The following CCNH variants were observed in gnomAD, a reference collection of about 807,000 sequenced individuals.
The protein encoded by CCNH is cyclin-H.
CCNH carries 31 observed loss-of-function variants against 41.9 expected under a neutral mutation model. That is an observed-to-expected ratio of 0.74 (90% CI 0.56 to 1.00). The LOEUF (loss-of-function observed/expected upper bound fraction) is 1.00. Among genes scored for constraint, CCNH ranks in the 50% least tolerant of loss-of-function variants. The pLI, the probability that CCNH is intolerant of heterozygous loss-of-function variation, is 0.00. For missense variants in CCNH, 362 were observed against 388.4 expected, an observed-to-expected ratio of 0.93 and a Z score of 0.57; for synonymous variants, 138 against 136.1, an observed-to-expected ratio of 1.01 and a Z score of -0.10.
chr5:87,336,432 T>C (rs1357375703), intron 9 of CCNH, among the ~76,000 whole-genome samples: 2 of 152,054 alleles, frequency 1.3e-5, no homozygotes, highest in Non-Finnish European at 2.9e-5. Context: ...TGATATAAAT[T>C]TGGATTTATG....
downstream of CCNH, chr5:87,390,762 G>A (rs2112530214): frequency 6.5e-7 from 1 of 1,547,490 alleles, no homozygotes; most frequent in Non-Finnish European, 8.9e-7. Flanking sequence ...TGCTGACCGA[G>A]CTTTCATTTA....
At chr5:87,370,354 T>G (rs1441525045) in intron 9 of CCNH, among the ~76,000 whole-genome samples, 1 of 152,238 alleles carries the variant, frequency 6.6e-6, no homozygotes, top group African/African-American at 2.4e-5. Context: ...CAAGTCGAGA[T>G]ATAATGTCTA....
intron 9 of CCNH, among the ~76,000 whole-genome samples, chr5:87,371,026 C>T (rs1287872673): frequency 6.6e-6 from 1 of 152,046 alleles, no homozygotes; most frequent in Non-Finnish European, 1.5e-5. Flanking sequence ...ATTTTGGTAA[C>T]TTACATGATT....
At chr5:87,340,687 A>AG (rs1227562416) in intron 9 of CCNH, among the ~76,000 whole-genome samples, 1 of 152,184 alleles carries the variant, frequency 6.6e-6, no homozygotes, top group Admixed American at 6.5e-5. Context: ...TTACGGGCTC[A>AG]GAATGTCTTA....
At chr5:87,363,997 A>G (rs991168407) in intron 9 of CCNH, among the ~76,000 whole-genome samples, 1 of 152,160 alleles carries the variant, frequency 6.6e-6, no homozygotes, top group Admixed American at 6.6e-5. Context: ...ATATAAATGT[A>G]TAAGCTGAAT....
chr5:87,368,189 C>A (rs553120096), intron 9 of CCNH, among the ~76,000 whole-genome samples: 1 of 152,146 alleles, frequency 6.6e-6, no homozygotes, highest in Non-Finnish European at 1.5e-5. Flanking sequence ...CCTTTTTCCT[C>A]TGTACCAACC....
chr5:87,370,428 G>A (rs1034166620), intron 9 of CCNH, among the ~76,000 whole-genome samples: 10 of 152,140 alleles, frequency 6.6e-5, no homozygotes, highest in African/African-American at 2.4e-4. Flanking sequence ...GTAATTGTGT[G>A]AAGAAATAAT....
At chr5:87,379,945 T>C (rs1761593789), upstream of CCNH, 1 of 1,238,844 alleles carries the variant, frequency 8.1e-7, no homozygotes, top group Non-Finnish European at 1.2e-6. Context: ...GTTGTCCTAA[T>C]ATTATTATAC....
intron 9 of CCNH, chr5:87,362,668 A>G: frequency 6.2e-7 from 1 of 1,606,004 alleles, no homozygotes. Context: ...TCTTCTGAAA[A>G]AGGGTAAGTT....
exon 1 of CCNH, chr5:87,376,637 TTAAGG>T (rs368754138): frequency 8.5e-6 from 13 of 1,532,030 alleles, no homozygotes; most frequent in Non-Finnish European, 1.1e-5. Context: ...AAAAGATCCA[TTAAGG>T]TAAACATAGT....
chr5:87,411,243 G>C lies in CCNH; in HGVS notation c.221C>G (p.Ala74Gly). 6.2e-7 allele frequency: 1 copy of C among 1,611,482 alleles called. No homozygotes were observed. Among genetic ancestry groups the C allele is most frequent in the Admixed American group, 1.7e-5 (1 of 59,562 alleles). The change falls in exon 2 of 9, where the codon GCA (alanine) becomes GGA (glycine). Residue 74 changes from alanine to glycine, a missense_variant. By Grantham distance (60) the Ala-to-Gly change is moderately conservative. Coordinates refer to ENST00000256897, the MANE Select transcript of CCNH (RefSeq NM_001239.4). ...ACTTACCACAACAGATCTTGGCATTGCTGGCTTAAACACCGAACAGAATTC... is the reference window on the plus strand; with the variant it reads ...ACTTACCACAACAGATCTTGGCATTCCTGGCTTAAACACCGAACAGAATTC... ...LLEFCSVFKPAMPRSVVGTAC... is the reference protein window; with the variant it reads ...LLEFCSVFKPGMPRSVVGTAC...
downstream of CCNH, chr5:87,372,082 GTGTA>G: frequency 1.3e-6 from 2 of 1,570,992 alleles, no homozygotes; most frequent in South Asian, 2.3e-5. Flanking sequence ...AAATAAACTA[GTGTA>G]TATTTCTTTG....
At chr5:87,317,746 A>C (rs1429969684), downstream of CCNH, among the ~76,000 whole-genome samples, 1 of 151,226 alleles carries the variant, frequency 6.6e-6, no homozygotes, top group East Asian at 2.0e-4. Context: ...ATTAATTCTC[A>C]TGCCTCAGCC....
intron 9 of CCNH, among the ~76,000 whole-genome samples, chr5:87,359,242 A>T (rs886176203): frequency 3.3e-5 from 5 of 152,188 alleles, no homozygotes; most frequent in Non-Finnish European, 7.3e-5. Flanking sequence ...GAGCTTACAC[A>T]TGTAACTTCT....
rs1005116363 is a variant in CCNH, at chr5:87,397,379, C to T, written c.872+2015G>A. ...TTCGCCATGTTGGCCAGGCTGGTCT[C>T]GAACTCCCGACCTCAGGTGATCCGC... On this transcript the variant is annotated intron_variant, in intron 7 of 8. Coordinates refer to ENST00000256897, the MANE Select transcript of CCNH (RefSeq NM_001239.4). 2.0e-5 allele frequency among the ~76,000 whole-genome samples: 3 copies of T among 152,162 alleles called. No homozygotes were observed. The South Asian group carries it at 6.2e-4, about 32-fold the overall frequency.
At chr5:87,384,677 ATAAT>A (rs1360439569) in intron 9 of CCNH, among the ~76,000 whole-genome samples, 3 of 152,142 alleles carry the variant, frequency 2.0e-5, no homozygotes, top group Non-Finnish European at 2.9e-5. Flanking sequence ...TTACTGTTAA[ATAAT>A]TAAGTTCCAG....
At chr5:87,343,856 A>G (rs987861368) in intron 9 of CCNH, among the ~76,000 whole-genome samples, 6 of 152,188 alleles carry the variant, frequency 3.9e-5, no homozygotes, top group Admixed American at 2.6e-4. Flanking sequence ...AAAATATAGT[A>G]CATATACACA....
downstream of CCNH, among the ~76,000 whole-genome samples, chr5:87,313,784 C>T (rs879420725): frequency 8.5e-5 from 13 of 152,274 alleles, no homozygotes; most frequent in Middle Eastern, 3.4e-3. Flanking sequence ...TTAAGGTAGA[C>T]ACTGAAGAAT....
chr5:87,350,097 G>A (rs1043684807), intron 9 of CCNH, among the ~76,000 whole-genome samples: 2 of 151,764 alleles, frequency 1.3e-5, no homozygotes, highest in Admixed American at 1.3e-4. Flanking sequence ...TTCTCTATCT[G>A]AATTAGAATT....
Sources: gnomAD v4.1 joint callset for allele counts (sites outside exome capture counted in the v4.1 genomes callset) on GRCh38, gnomAD v4.1.1 for gene constraint, MANE v1.5 for transcripts, NCBI Gene and HGNC (gene_info 2026-07-23, HGNC 2026-07-21) for gene names.